CEP112: variants seen among roughly 807,000 people sequenced by gnomAD.
The protein encoded by CEP112 is centrosomal protein 112, also known as centrosomal protein of 112 kDa.
A neutral mutation model predicts 153.0 loss-of-function variants in CEP112; 127 were observed. The observed-to-expected ratio is 0.83, with a 90% CI of 0.72 to 0.96. The LOEUF (loss-of-function observed/expected upper bound fraction) is 0.96, where lower values mean the gene tolerates loss of function less well. CEP112 is among the 40% of genes least tolerant of loss of function. CEP112 has a pLI of 0.00. For synonymous variants in CEP112, 358 were observed against 374.4 expected, an observed-to-expected ratio of 0.96 and a Z score of 0.51; for missense variants, 1,089 against 1,101.2, an observed-to-expected ratio of 0.99 and a Z score of 0.16.
rs145023468 is a variant in CEP112 at position 65,930,378 on chromosome 17, GC to G, written c.1873-2690del. ...TCAGTGAAAGGCAACGAGTTTCACT[GC>G]ATGAGAACAAAATGCATATTACCAC... is the stretch of plus-strand genomic sequence containing the variant. On this transcript the variant is annotated intron_variant, in intron 18 of 26. Coordinates refer to ENST00000535342, the MANE Select transcript of CEP112 (RefSeq NM_001199165.4). 2.9e-3 allele frequency among the ~76,000 whole-genome samples: 436 copies of G among 152,306 alleles called. 4 individuals carry two copies. The highest frequency in any genetic ancestry group is 0.01 in the African/African-American group (418 of 41,574).
chr17:65,971,489 A>C (rs61496092), intron 17 of CEP112, among the ~76,000 whole-genome samples: 72,800 of 151,730 alleles, frequency 0.48, 18,467 homozygotes, highest in East Asian at 0.89. Context: ...GTATGACATG[A>C]ATGTCATACA....
chr17:65,704,379 G>A (rs1284720337), intron 23 of CEP112, among the ~76,000 whole-genome samples: 1 of 151,276 alleles, frequency 6.6e-6, no homozygotes, highest in Non-Finnish European at 1.5e-5. Flanking sequence ...GGGAAGAAAC[G>A]TCCCTTGTTT....
At chr17:65,847,924 A>C (rs565722488) in intron 21 of CEP112, among the ~76,000 whole-genome samples, 193 of 152,224 alleles carry the variant, frequency 1.3e-3, no homozygotes, top group African/African-American at 4.4e-3. Context: ...ACCTGGAGGC[A>C]GGGGAGAGTG....
chr17:66,101,630 TA>T (rs35682317), intron 6 of CEP112, among the ~76,000 whole-genome samples: 146,778 of 150,270 alleles, frequency 0.98, 71,776 homozygotes, highest in Non-Finnish European at 1. Context: ...ATAAAAATTG[TA>T]AAAAAAAAAA....
chr17:65,732,046 A>C (rs1449531653), intron 23 of CEP112, among the ~76,000 whole-genome samples: 2 of 152,216 alleles, frequency 1.3e-5, no homozygotes, highest in African/African-American at 2.4e-5. Context: ...CCTTTCCAGA[A>C]AGTTTTCAAT....
At position 65,821,538 on chromosome 17, in the gene CEP112, A is replaced by AAT. The variant is rs2056576577; in HGVS notation, c.2394+30265_2394+30266insAT. ...ATTATATATATATATATATATATAT[A>AAT]TATTTTTTTTTTTTTTTTTTTTTTT... On this transcript the variant is annotated intron_variant, in intron 21 of 26. Coordinates refer to ENST00000535342, the MANE Select transcript of CEP112 (RefSeq NM_001199165.4). Among the ~76,000 whole-genome samples, 3 of 39,140 alleles carry AAT rather than the reference A, an allele frequency of 7.7e-5. No individual in the cohort carries two copies. In the Admixed American group the frequency reaches 1.3e-3, roughly 17 times the overall value. 25.7% of individuals were successfully genotyped at this position (39,140 alleles called of 152,430 possible).
At chr17:65,769,775 AT>A (rs2098599956) in intron 21 of CEP112, among the ~76,000 whole-genome samples, 2 of 152,020 alleles carry the variant, frequency 1.3e-5, no homozygotes, top group Non-Finnish European at 2.9e-5. Context: ...GTCTCTCCAA[AT>A]TTGGGAGCAG....
chr17:65,667,380 C>T (rs1420602004), intron 24 of CEP112, among the ~76,000 whole-genome samples: 2 of 152,148 alleles, frequency 1.3e-5, no homozygotes, highest in Non-Finnish European at 2.9e-5. Flanking sequence ...GGAGGAATCA[C>T]AACTCCAGGG....
chr17:65,712,989 C>A (rs1190805227), intron 23 of CEP112, among the ~76,000 whole-genome samples: 11 of 152,194 alleles, frequency 7.2e-5, no homozygotes, highest in Admixed American at 7.2e-4. Context: ...GAATGGCAGA[C>A]ATAAGGCACA....
At chr17:65,861,175 G>C (rs2058299785) in intron 20 of CEP112, among the ~76,000 whole-genome samples, 1 of 152,202 alleles carries the variant, frequency 6.6e-6, no homozygotes, top group Non-Finnish European at 1.5e-5. Flanking sequence ...GGTGAAGATG[G>C]TTTTGCAACC....
chr17:65,979,762 A>G (rs2063162829), intron 17 of CEP112, among the ~76,000 whole-genome samples: 1 of 152,182 alleles, frequency 6.6e-6, no homozygotes, highest in Non-Finnish European at 1.5e-5. Flanking sequence ...AATTATTAAA[A>G]TGAAACATCT....
In CEP112 at chr17:65,693,906, C is replaced by T. The variant is rs191916923; in HGVS notation, c.2608-4688G>A. Among the ~76,000 whole-genome samples, 40 of 152,184 alleles carry T rather than the reference C, an allele frequency of 2.6e-4. No individual in the cohort carries two copies. In the East Asian group the frequency reaches 6.2e-3, roughly 24 times the overall value. ...CCTTCCACCATGGGAGGACACAGTA[C>T]AAAGATGGGTGTCAACGAACTAGGA... On this transcript the variant is annotated intron_variant, in intron 23 of 26. Coordinates refer to ENST00000535342, the MANE Select transcript of CEP112 (RefSeq NM_001199165.4).
intron 23 of CEP112, among the ~76,000 whole-genome samples, chr17:65,699,479 C>T (rs563201237): frequency 6.6e-6 from 1 of 152,122 alleles, no homozygotes; most frequent in Admixed American, 6.5e-5. Flanking sequence ...AATAATAACA[C>T]ATCTATCAGT....
At chr17:65,957,091 T>G (rs2144709417) in intron 18 of CEP112, among the ~76,000 whole-genome samples, 1 of 152,306 alleles carries the variant, frequency 6.6e-6, no homozygotes, top group East Asian at 1.9e-4. Flanking sequence ...ACCTTATGAA[T>G]TCTTTATTTC....
chr17:66,146,144 C>A (rs2070908603), intron 4 of CEP112, among the ~76,000 whole-genome samples: 1 of 151,898 alleles, frequency 6.6e-6, no homozygotes, highest in Non-Finnish European at 1.5e-5. Flanking sequence ...ACTTGGGAAG[C>A]ATTCCCTCCT....
chr17:65,922,456 G>T lies in CEP112; in HGVS notation c.1980+5126C>A, dbSNP rs1031814559. 6.6e-5 allele frequency among the ~76,000 whole-genome samples: 10 copies of T among 150,782 alleles called. No individual in the cohort carries two copies. The East Asian group carries it at 2.0e-3, about 29-fold the overall frequency. On this transcript the variant is annotated intron_variant, in intron 19 of 26. Transcript: ENST00000535342. ...GTCAAATGCATTTCAATTTTCCTTG[G>T]CGTTTTTTTCTTATTGTGTCTGACT...
intron 12 of CEP112, among the ~76,000 whole-genome samples, chr17:66,030,294 T>C (rs2065408399): frequency 6.6e-6 from 1 of 152,218 alleles, no homozygotes; most frequent in African/African-American, 2.4e-5. Flanking sequence ...TATTCAAGAA[T>C]GTAGATACAT....
At chr17:65,966,996 G>A (rs532350463) in intron 17 of CEP112, among the ~76,000 whole-genome samples, 51 of 152,282 alleles carry the variant, frequency 3.3e-4, no homozygotes, top group African/African-American at 1.2e-3. Flanking sequence ...GCAAGGAATG[G>A]ATTATTCTCA....
At chr17:65,899,773 T>A (rs1235729774) in intron 20 of CEP112, among the ~76,000 whole-genome samples, 6 of 152,172 alleles carry the variant, frequency 3.9e-5, no homozygotes, top group African/African-American at 1.4e-4. Context: ...TAGCCCTTTT[T>A]ACAAAATGGC....
Sources: allele counts gnomAD v4.1 joint callset (sites outside exome capture counted in the v4.1 genomes callset), GRCh38; gene constraint gnomAD v4.1.1; transcripts MANE v1.5; gene names NCBI Gene and HGNC (gene_info 2026-07-23, HGNC 2026-07-21).